Variants in NOL9 observed in about 807,000 individuals in gnomAD.
NOL9 encodes the protein nucleolar protein 9.
Under a neutral mutation model 67.9 loss-of-function variants are expected in NOL9, and 28 were observed. That is an observed-to-expected ratio of 0.41 (90% CI 0.31 to 0.57). NOL9 has a LOEUF of 0.57. NOL9 is among the 20% of genes least tolerant of loss of function. NOL9 has a pLI of 0.25. For missense variants in NOL9, 777 were observed against 897.0 expected (o/e 0.87, Z 1.71); for synonymous variants, 356 against 352.2 (o/e 1.01, Z -0.12).
intron 11 of NOL9, among the ~76,000 whole-genome samples, chr1:6,526,361 C>T (rs1638883910): frequency 6.6e-6 from 1 of 152,148 alleles, no homozygotes; most frequent in Non-Finnish European, 1.5e-5. Flanking sequence ...GGCACACAGA[C>T]GCCTTGACCT....
intron 5 of NOL9, 30 bp downstream of exon 5, chr1:6,544,796 G>A (rs1639384115): frequency 6.2e-7 from 1 of 1,608,164 alleles, no homozygotes; most frequent in East Asian, 2.2e-5. Flanking sequence ...ACCTAGCAAT[G>A]TGTCAAAGCC....
At position 6,532,811 on chromosome 1, in the gene NOL9, G is replaced by A. The variant is rs149486937; in HGVS notation, c.1238-51C>T. On this transcript the variant is annotated intron_variant, in intron 7 of 11. Transcript: ENST00000377705. ...CTGATACACTCAAGAACAGTGACGCGCTCAAGAACAGTGACATGCTCCTAC... is the reference window on the plus strand; with the variant it reads ...CTGATACACTCAAGAACAGTGACGCACTCAAGAACAGTGACATGCTCCTAC... 2.7e-4 allele frequency: 403 copies of A among 1,487,204 alleles called. 1 individual carries two copies. The African/African-American group carries it at 4.9e-3, about 18-fold the overall frequency. The allele number at this position is 1,487,204 out of a possible 1,614,324, so 92.1% of individuals were successfully genotyped here.
intron 5 of NOL9, among the ~76,000 whole-genome samples, chr1:6,544,302 G>A (rs1466944409): frequency 9.3e-5 from 14 of 151,236 alleles, no homozygotes; most frequent in African/African-American, 2.9e-4. Flanking sequence ...AAAATTAAGC[G>A]AAAATTCCCA....
intron 6 of NOL9, among the ~76,000 whole-genome samples, chr1:6,535,928 C>CAAA (rs35594987): frequency 5.1e-5 from 7 of 137,944 alleles, no homozygotes; most frequent in Admixed American, 1.5e-4. Context: ...AACTCCATCT[C>CAAA]AAAAAAAAAA....
chr1:6,531,878 T>A, intron 9 of NOL9, 90 bp downstream of exon 9: 1 of 919,282 alleles, frequency 1.1e-6, no homozygotes. Flanking sequence ...AGCGAGGAGT[T>A]ATGTAGTGGT....
chr1:6,525,644 A>G lies in NOL9; in HGVS notation c.*210T>C, dbSNP rs948598089. The G allele has an allele frequency of 3.4e-6, 2 of 592,750 alleles. No homozygotes were observed. Among genetic ancestry groups the G allele is most frequent in the Non-Finnish European group, 6.0e-6 (2 of 335,014 alleles). 36.7% of individuals were successfully genotyped at this position (592,750 alleles called of 1,614,324 possible). On this transcript the variant is annotated 3_prime_UTR_variant, in exon 12 of 12. Coordinates refer to ENST00000377705, the MANE Select transcript of NOL9 (RefSeq NM_024654.5). ...CTCCCTCTGGACAGCAAGTATGAGT[A>G]TCACACAGAAGACTAGAACAAATTC...
intron 7 of NOL9, among the ~76,000 whole-genome samples, chr1:6,533,058 C>G (rs1188242132): frequency 6.6e-6 from 1 of 152,146 alleles, no homozygotes; most frequent in Non-Finnish European, 1.5e-5. Context: ...GCCTGTGGTC[C>G]CAGCTACTCT....
chr1:6,541,425 A>C (rs563085594), intron 6 of NOL9, among the ~76,000 whole-genome samples: 1 of 152,158 alleles, frequency 6.6e-6, no homozygotes, highest in African/African-American at 2.4e-5. Flanking sequence ...CAGGTGATGC[A>C]CCAGCCTCAG....
chr1:6,541,753 G>C (rs762777565), intron 6 of NOL9, 77 bp downstream of exon 6: 5 of 822,314 alleles, frequency 6.1e-6, no homozygotes, highest in Non-Finnish European at 9.4e-6. Flanking sequence ...TATACTCTTC[G>C]ATTTCTGAGT....
rs747763457 is a variant in NOL9, at chr1:6,526,682, G to A, written c.1959+14C>T. 27 of 1,603,724 alleles carry A rather than the reference G, an allele frequency of 1.7e-5. No homozygotes were observed. Among genetic ancestry groups the A allele is most frequent in the South Asian group, 2.2e-5 (2 of 89,346 alleles). Reference sequence around the variant, plus strand: ...GTAGGCTCCTTCCAGGGCTGTGCCCGGGGGAAGGCTCACCTGGCACTTAAG... The same window carrying A: ...GTAGGCTCCTTCCAGGGCTGTGCCCAGGGGAAGGCTCACCTGGCACTTAAG... On this transcript the variant is annotated intron_variant, in intron 11 of 11. Transcript: ENST00000377705.
chr1:6,541,500 C>G (rs768353193), intron 6 of NOL9, among the ~76,000 whole-genome samples: 4 of 152,070 alleles, frequency 2.6e-5, no homozygotes, highest in Non-Finnish European at 5.9e-5. Context: ...AGTATTGATT[C>G]AGTATTAATT....
At chr1:6,546,522 T>C (rs1260873782) in intron 3 of NOL9, among the ~76,000 whole-genome samples, 1 of 152,178 alleles carries the variant, frequency 6.6e-6, no homozygotes, top group Non-Finnish European at 1.5e-5. Flanking sequence ...CATTTCCCAG[T>C]GCAGCAGGAA....
rs1639623776 is a variant in NOL9 at position 6,554,399 on chromosome 1, C to T, written c.104G>A (p.Arg35His). The T allele has an allele frequency of 2.7e-6, 4 of 1,494,700 alleles. No individual in the cohort carries two copies. Among genetic ancestry groups the T allele is most frequent in the Admixed American group, 2.6e-5 (1 of 38,626 alleles). 92.6% of individuals were successfully genotyped at this position (1,494,700 alleles called of 1,614,324 possible). Residue 35 changes from arginine to histidine, a missense_variant, in exon 1 of 12, where the codon CGC becomes CAC. This residue lies in a region of NOL9 where 364 missense variants were observed against 344.4 expected (regional missense o/e 1.06). Transcript: ENST00000377705. ...GCACCAGCGCAGGCTCCCGAGCCGGCGGCGGGGCCGGCGGCTGAGGATGAG... is the reference window on the plus strand; with the variant it reads ...GCACCAGCGCAGGCTCCCGAGCCGGTGGCGGGGCCGGCGGCTGAGGATGAG... ...PQLILSRRPR[R>H]RLGSLRWCGR...
chr1:6,543,096 G>A (rs539264539), intron 5 of NOL9, among the ~76,000 whole-genome samples: 5 of 151,326 alleles, frequency 3.3e-5, no homozygotes, highest in African/African-American at 7.3e-5. Context: ...GTCTCATTAC[G>A]TTGCCCAGGC....
At chr1:6,526,633 A>C in intron 11 of NOL9, 63 bp downstream of exon 11, 1 of 1,502,198 alleles carries the variant, frequency 6.7e-7, no homozygotes, top group Non-Finnish European at 9.0e-7. Context: ...ACCCTACTTC[A>C]GCTCCTCACT....
rs774913315 is a variant in NOL9 at position 6,549,698 on chromosome 1, T to C, written c.617A>G (p.Asp206Gly). ...ATTCTGCATCGACCAACGCCTGTCA[T>C]CTGTAAAGAGAAAAATAAACCACCT... ...RNLLKSHLNL[D>G]DRRWSMQNFS... The change falls in exon 3 of 12, where the codon GAT becomes GGT. Residue 206 changes from aspartate to glycine, a missense_variant and splice_region_variant. Physicochemically the swap from Asp to Gly is moderately conservative, Grantham distance 94 (BLOSUM62 -1). This residue lies in a region of NOL9 where 364 missense variants were observed against 344.4 expected (regional missense o/e 1.06). Transcript: ENST00000377705. The C allele has an allele frequency of 3.9e-5, 63 of 1,613,572 alleles. No homozygotes were observed. Among genetic ancestry groups the C allele is most frequent in the Admixed American group, 3.8e-4 (23 of 59,910 alleles).
chr1:6,527,009 G>C (rs918784357), intron 10 of NOL9, among the ~76,000 whole-genome samples, 180 bp from the exon 11 acceptor site: 5 of 152,302 alleles, frequency 3.3e-5, no homozygotes, highest in African/African-American at 1.2e-4. Context: ...ACTCTGGGAG[G>C]CCGAGGCGGG....
chr1:6,541,232 T>C (rs1049291079), intron 6 of NOL9, among the ~76,000 whole-genome samples: 9 of 152,266 alleles, frequency 5.9e-5, no homozygotes, highest in African/African-American at 2.2e-4. Flanking sequence ...CCGCCCAGGC[T>C]GGAGTCAGTG....
intron 6 of NOL9, among the ~76,000 whole-genome samples, chr1:6,536,370 A>G (rs947105406): frequency 4.6e-5 from 7 of 151,760 alleles, no homozygotes; most frequent in Admixed American, 4.6e-4. Flanking sequence ...AAAATAAAAT[A>G]AAAAAATAAA....
Sources: allele counts gnomAD v4.1 joint callset (sites outside exome capture counted in the v4.1 genomes callset), GRCh38; gene constraint gnomAD v4.1.1; regional missense constraint gnomAD v4.1.1; transcripts MANE v1.5; gene names NCBI Gene and HGNC (gene_info 2026-07-23, HGNC 2026-07-21).